Variants in PDE4D observed in about 807,000 individuals in gnomAD.
PDE4D encodes the protein 3',5'-cyclic-AMP phosphodiesterase 4D.
PDE4D carries 24 observed loss-of-function variants against 87.4 expected under a neutral mutation model. That is an observed-to-expected ratio of 0.27 (90% CI 0.20 to 0.39). The LOEUF (loss-of-function observed/expected upper bound fraction) is 0.39. Ranked by LOEUF, PDE4D falls within the 10% of genes least tolerant of loss-of-function variation. The pLI is 1.00. For missense variants in PDE4D, 714 were observed against 1,041.0 expected (o/e 0.69, Z 4.32); for synonymous variants, 384 against 383.2 (o/e 1.00, Z -0.02).
intron 5 of PDE4D, among the ~76,000 whole-genome samples, chr5:59,158,721 A>G (rs186753789): frequency 1.2e-3 from 179 of 152,360 alleles, no homozygotes; most frequent in African/African-American, 3.8e-3. Flanking sequence ...ATCATTTTAC[A>G]GAACACAACC....
chr5:60,383,739 T>C (rs1762018620), intron 1 of PDE4D, among the ~76,000 whole-genome samples: 1 of 152,138 alleles, frequency 6.6e-6, no homozygotes. Context: ...AAATTATAAA[T>C]AGAAAAAATA....
intron 1 of PDE4D, among the ~76,000 whole-genome samples, chr5:60,232,167 A>G (rs1321034954): frequency 6.6e-6 from 1 of 151,968 alleles, no homozygotes; most frequent in Non-Finnish European, 1.5e-5. Flanking sequence ...AAATTGCTTC[A>G]ATTAAAGCAG....
At chr5:60,432,188 T>G (rs1744394352) in intron 1 of PDE4D, among the ~76,000 whole-genome samples, 1 of 152,212 alleles carries the variant, frequency 6.6e-6, no homozygotes, top group Non-Finnish European at 1.5e-5. Flanking sequence ...TGCATCTATG[T>G]TCATCAAGGA....
chr5:60,261,944 T>C (rs114427485), intron 1 of PDE4D, among the ~76,000 whole-genome samples: 137 of 152,248 alleles, frequency 9.0e-4, no homozygotes, highest in African/African-American at 3.2e-3. Flanking sequence ...GCACTAATCA[T>C]GTCCCATAAC....
At chr5:59,945,178 T>G (rs1181507404) in intron 3 of PDE4D, among the ~76,000 whole-genome samples, 1 of 152,248 alleles carries the variant, frequency 6.6e-6, no homozygotes, top group Non-Finnish European at 1.5e-5. Context: ...TGCTTCAGTG[T>G]ATTCAATACT....
At chr5:59,487,832 C>A (rs1304963316) in intron 1 of PDE4D, among the ~76,000 whole-genome samples, 1 of 152,178 alleles carries the variant, frequency 6.6e-6, no homozygotes, top group Non-Finnish European at 1.5e-5. Context: ...CTGAAAGCAT[C>A]CAGTGAGATC....
chr5:59,794,137 GCACACACACACA>G (rs58204799), intron 1 of PDE4D, among the ~76,000 whole-genome samples: 22,882 of 145,048 alleles, frequency 0.16, 2,134 homozygotes, highest in Middle Eastern at 0.27. Context: ...ACACAGAGGC[GCACACACACACA>G]CACACACACA....
chr5:60,506,398 G>T (rs762558605), intron 1 of PDE4D, among the ~76,000 whole-genome samples: 20 of 152,132 alleles, frequency 1.3e-4, no homozygotes, highest in Non-Finnish European at 2.2e-4. Flanking sequence ...TTTAATTAAT[G>T]CAAAAGCACT....
At chr5:60,137,618 G>T (rs961830190) in intron 2 of PDE4D, among the ~76,000 whole-genome samples, 2 of 151,710 alleles carry the variant, frequency 1.3e-5, no homozygotes, top group Non-Finnish European at 2.9e-5. Flanking sequence ...CATGTATTTT[G>T]CCCACTTTTT....
At chr5:59,490,177 G>A (rs1805925988) in intron 1 of PDE4D, among the ~76,000 whole-genome samples, 1 of 152,088 alleles carries the variant, frequency 6.6e-6, no homozygotes. Flanking sequence ...AAGCAACTGT[G>A]GAGTAAGTAT....
chr5:60,137,172 G>A (rs1582825439), intron 2 of PDE4D, among the ~76,000 whole-genome samples: 1 of 152,110 alleles, frequency 6.6e-6, no homozygotes, highest in East Asian at 1.9e-4. Context: ...TAATTCCATG[G>A]TGTATATGTA....
At chr5:60,474,150 A>ATATATATATATG (rs1274940940) in intron 1 of PDE4D, among the ~76,000 whole-genome samples, 5 of 96,406 alleles carry the variant, frequency 5.2e-5, no homozygotes, top group Non-Finnish European at 9.2e-5. Context: ...ATATATATAT[A>ATATATATATATG]ACAAAAACCT....
intron 3 of PDE4D, among the ~76,000 whole-genome samples, chr5:59,901,793 G>A (rs1371606403): frequency 6.6e-6 from 1 of 152,018 alleles, no homozygotes; most frequent in Non-Finnish European, 1.5e-5. Flanking sequence ...AAAAGATGTA[G>A]ATCAATGAAA....
intron 3 of PDE4D, among the ~76,000 whole-genome samples, chr5:59,957,716 C>T (rs1347130157): frequency 6.6e-6 from 1 of 151,856 alleles, no homozygotes; most frequent in Non-Finnish European, 1.5e-5. Context: ...ACTTCAAATG[C>T]TATAACGTAT....
intron 2 of PDE4D, among the ~76,000 whole-genome samples, chr5:60,050,692 C>T (rs1158208558): frequency 2.0e-5 from 3 of 152,288 alleles, no homozygotes; most frequent in African/African-American, 7.2e-5. Context: ...ACAATATTAA[C>T]TTTAAATGTA....
chr5:60,208,270 A>G (rs1439468511), intron 1 of PDE4D, among the ~76,000 whole-genome samples: 2 of 152,208 alleles, frequency 1.3e-5, no homozygotes, highest in Admixed American at 1.3e-4. Flanking sequence ...ATGCCCAGAA[A>G]GAGATTCTTT....
At chr5:60,040,733 T>G (rs1768380302) in intron 2 of PDE4D, among the ~76,000 whole-genome samples, 1 of 152,214 alleles carries the variant, frequency 6.6e-6, no homozygotes, top group African/African-American at 2.4e-5. Flanking sequence ...ACTATTTTTC[T>G]TTACTGCCTC....
At chr5:59,502,908 C>CTTT (rs60143243) in intron 1 of PDE4D, among the ~76,000 whole-genome samples, 5 of 131,110 alleles carry the variant, frequency 3.8e-5, no homozygotes, top group South Asian at 2.5e-4. Context: ...GATTAGAAGG[C>CTTT]TTTTTTTTTT....
chr5:59,595,564 T>C, intron 1 of PDE4D, among the ~76,000 whole-genome samples: 1 of 152,168 alleles, frequency 6.6e-6, no homozygotes, highest in East Asian at 1.9e-4. Flanking sequence ...AGAACTCTTT[T>C]ATTTGCCAGA....
Sources: allele counts gnomAD v4.1 joint callset (sites outside exome capture counted in the v4.1 genomes callset), GRCh38; gene constraint gnomAD v4.1.1; transcripts MANE v1.5; gene names NCBI Gene and HGNC (gene_info 2026-07-23, HGNC 2026-07-21).